ADAMTS3: variants seen among roughly 807,000 people sequenced by gnomAD.
ADAMTS3 encodes ADAM metallopeptidase with thrombospondin type 1 motif 3, also known as A disintegrin and metalloproteinase with thrombospondin motifs 3.
In ADAMTS3, 73 loss-of-function variants were observed where a neutral mutation model predicts 129.0. The ratio of observed to expected loss-of-function variants is 0.57; its 90% confidence interval spans 0.47 to 0.69. The LOEUF is 0.69. Ranked by LOEUF, ADAMTS3 falls within the 30% of genes least tolerant of loss-of-function variation. The pLI is 0.00. For synonymous variants in ADAMTS3, 477 were observed against 510.8 expected (o/e 0.93, Z 0.89); for missense variants, 1,457 against 1,514.5 (o/e 0.96, Z 0.63).
chr4:72,470,840 A>G (rs951348789), intron 3 of ADAMTS3, among the ~76,000 whole-genome samples: 2 of 152,066 alleles, frequency 1.3e-5, no homozygotes, highest in African/African-American at 4.8e-5. Context: ...TTGCAATAAA[A>G]AAGTCCTGTT....
intron 3 of ADAMTS3, among the ~76,000 whole-genome samples, chr4:72,436,701 T>C (rs1178986223): frequency 6.6e-6 from 1 of 151,974 alleles, no homozygotes; most frequent in Non-Finnish European, 1.5e-5. Flanking sequence ...TTCATGTCCT[T>C]TATAGGGACA....
At chr4:72,537,805 C>T (rs1193938290) in intron 3 of ADAMTS3, among the ~76,000 whole-genome samples, 4 of 152,020 alleles carry the variant, frequency 2.6e-5, no homozygotes, top group Admixed American at 2.6e-4. Context: ...CTAAACAAGA[C>T]CTAGTGGCAG....
rs143452907 is a variant in ADAMTS3, at chr4:72,298,302, A to C, written c.2565T>G (p.Ser855=). ...DTFEWALKSW[S]QCSKPCGGGF... ...CTCCACCACAGGGTTTGGAACACTG[A>C]GACCAGCTCTTCAAAGCCCACTCAA... Residue 855 remains serine (S), a synonymous_variant, in exon 18 of 22, where the codon TCT becomes TCG. Transcript: ENST00000286657. 1.6e-5 allele frequency: 26 copies of C among 1,612,918 alleles called. No homozygotes were observed. The East Asian group carries it at 3.8e-4, about 24-fold the overall frequency.
intron 4 of ADAMTS3, among the ~76,000 whole-genome samples, chr4:72,341,933 AAGAC>A (rs1432444526): frequency 2.6e-5 from 4 of 152,210 alleles, no homozygotes; most frequent in African/African-American, 9.6e-5. Context: ...ATTTCAAAGA[AAGAC>A]AGTAGGATAG....
chr4:72,294,682 A>G (rs1047340716), intron 19 of ADAMTS3, among the ~76,000 whole-genome samples: 38 of 152,112 alleles, frequency 2.5e-4, no homozygotes, highest in African/African-American at 9.2e-4. Flanking sequence ...GAACAAAATG[A>G]CGGTCCTACA....
At chr4:72,490,441 GC>G (rs1186317687) in intron 3 of ADAMTS3, among the ~76,000 whole-genome samples, 1 of 151,854 alleles carries the variant, frequency 6.6e-6, no homozygotes, top group African/African-American at 2.4e-5. Context: ...ATGTCATGAA[GC>G]TTTTTTCTTT....
intron 4 of ADAMTS3, among the ~76,000 whole-genome samples, chr4:72,354,590 T>C (rs916565261): frequency 3.3e-5 from 5 of 151,992 alleles, no homozygotes; most frequent in Admixed American, 1.3e-4. Context: ...CATTCAATAA[T>C]AGAGTTTTAA....
At chr4:72,536,685 A>C (rs984958465) in intron 3 of ADAMTS3, among the ~76,000 whole-genome samples, 5 of 152,162 alleles carry the variant, frequency 3.3e-5, no homozygotes, top group African/African-American at 1.2e-4. Context: ...TAGAACTGGA[A>C]CTAGAGTCCA....
intron 4 of ADAMTS3, among the ~76,000 whole-genome samples, chr4:72,378,356 T>G (rs1395954175): frequency 6.6e-6 from 1 of 152,196 alleles, no homozygotes; most frequent in African/African-American, 2.4e-5. Context: ...ATGGAGAATT[T>G]GTGGGTTCTG....
chr4:72,461,603 T>A (rs1718773481), intron 3 of ADAMTS3, among the ~76,000 whole-genome samples: 1 of 151,850 alleles, frequency 6.6e-6, no homozygotes, highest in South Asian at 2.1e-4. Context: ...AAACAGAGTT[T>A]TAAATGTATT....
At position 72,339,578 on chromosome 4, in the gene ADAMTS3, C is replaced by T. The variant is rs1160339539; in HGVS notation, c.777G>A (p.Glu259=). Residue 259 remains glutamate, a synonymous_variant, in exon 5 of 22, where the codon GAG becomes GAA. Transcript: ENST00000286657. ...CAGAGTCATCCACTCCCAGCAGTAC[C>T]TCGATATTGTAATCGTTTTCTCCCG... ...RHAGENDYNI[E]VLLGVDDSVV... 6.2e-7 allele frequency: 1 copy of T among 1,613,962 alleles called. No individual in the cohort carries two copies. The highest frequency in any genetic ancestry group is 8.5e-7 in the Non-Finnish European group (1 of 1,179,902).
chr4:72,567,415 G>C lies in ADAMTS3; in HGVS notation c.70-14C>G. 1 of 1,612,988 alleles carries C rather than the reference G, an allele frequency of 6.2e-7. No homozygotes were observed. Among genetic ancestry groups the C allele is most frequent in the East Asian group, 2.2e-5 (1 of 44,838 alleles). The stretch of plus-strand genomic sequence containing the variant: ...TTCATTACCAGCCTGGAAAGGAGGG[G>C]GAAAGCAAGAAAAAGAAAGTTACTG... On this transcript the variant is annotated splice_polypyrimidine_tract_variant and intron_variant, in intron 1 of 21. Transcript: ENST00000286657.
chr4:72,488,015 C>T (rs1358267436), intron 3 of ADAMTS3, among the ~76,000 whole-genome samples: 3 of 151,958 alleles, frequency 2.0e-5, no homozygotes, highest in South Asian at 4.2e-4. Flanking sequence ...AAATATTGTG[C>T]ACTTTGGTTA....
chr4:72,470,656 G>C (rs529757526), intron 3 of ADAMTS3, among the ~76,000 whole-genome samples: 10 of 152,030 alleles, frequency 6.6e-5, no homozygotes, highest in African/African-American at 2.4e-4. Flanking sequence ...ATATGAAGAT[G>C]TTTTCACCTT....
chr4:72,533,404 C>T (rs1721093880), intron 3 of ADAMTS3, among the ~76,000 whole-genome samples: 1 of 152,042 alleles, frequency 6.6e-6, no homozygotes, highest in Admixed American at 6.6e-5. Flanking sequence ...TCTGGAACAC[C>T]TCCTGAAGGA....
At chr4:72,319,703 C>T (rs60166335) in intron 8 of ADAMTS3, among the ~76,000 whole-genome samples, 155 bp downstream of exon 8, 2,603 of 152,260 alleles carry the variant, frequency 0.017, 75 homozygotes, top group African/African-American at 0.058. Flanking sequence ...ATTTAGTTTC[C>T]GTGCATGACC....
intron 4 of ADAMTS3, among the ~76,000 whole-genome samples, chr4:72,382,572 T>C (rs974339862): frequency 3.9e-5 from 6 of 152,110 alleles, no homozygotes; most frequent in Non-Finnish European, 7.4e-5. Context: ...ATCAAGAAGA[T>C]ACCTAAACCT....
At chr4:72,335,639 A>G (rs1184032884) in intron 5 of ADAMTS3, among the ~76,000 whole-genome samples, 3 of 152,202 alleles carry the variant, frequency 2.0e-5, no homozygotes, top group African/African-American at 7.2e-5. Flanking sequence ...TATGAACTGT[A>G]AATAATTTTT....
chr4:72,422,389 G>A (rs1722468597), intron 3 of ADAMTS3, among the ~76,000 whole-genome samples: 1 of 151,972 alleles, frequency 6.6e-6, no homozygotes, highest in Non-Finnish European at 1.5e-5. Context: ...AATGATACAT[G>A]AAATATTTAG....
Sources: gnomAD v4.1 joint callset for allele counts (sites outside exome capture counted in the v4.1 genomes callset) on GRCh38, gnomAD v4.1.1 for gene constraint, MANE v1.5 for transcripts, NCBI Gene and HGNC (gene_info 2026-07-23, HGNC 2026-07-21) for gene names.